Variants in IL15 observed in about 807,000 individuals in gnomAD.
IL15 encodes interleukin 15, also known as interleukin-15.
Under a neutral mutation model 19.6 loss-of-function variants are expected in IL15, and 11 were observed. That is an observed-to-expected ratio of 0.56 (90% CI 0.35 to 0.93). The LOEUF is 0.93. Among genes scored for constraint, IL15 ranks in the 40% least tolerant of loss-of-function variants. IL15 has a pLI of 0.01. For missense variants in IL15, 197 were observed against 186.5 expected (o/e 1.06, Z -0.33); for synonymous variants, 58 against 59.6 (o/e 0.97, Z 0.12).
chr4:141,732,233 G>T (rs540883197), intron 7 of IL15, among the ~76,000 whole-genome samples: 2 of 152,148 alleles, frequency 1.3e-5, no homozygotes, highest in Non-Finnish European at 2.9e-5. Context: ...TCTTAAGTGC[G>T]AGTAGCAGCA....
At chr4:141,726,681 CTG>C in intron 5 of IL15, among the ~76,000 whole-genome samples, 1 of 152,172 alleles carries the variant, frequency 6.6e-6, no homozygotes, top group East Asian at 1.9e-4. Flanking sequence ...CTGCCAAAAA[CTG>C]GAAACAGATG....
intron 2 of IL15, among the ~76,000 whole-genome samples, chr4:141,661,703 TGAA>T (rs1727795566): frequency 6.6e-6 from 1 of 152,198 alleles, no homozygotes; most frequent in African/African-American, 2.4e-5. Context: ...TGTGACCTCT[TGAA>T]GTACAGTTTG....
chr4:141,677,109 A>G (rs1046839741), intron 2 of IL15, among the ~76,000 whole-genome samples: 5 of 152,224 alleles, frequency 3.3e-5, no homozygotes, highest in African/African-American at 1.2e-4. Flanking sequence ...TAAAGAAATA[A>G]AGAAGCAAAA....
intron 2 of IL15, among the ~76,000 whole-genome samples, chr4:141,699,156 T>G (rs1729198310): frequency 6.6e-6 from 1 of 152,180 alleles, no homozygotes; most frequent in African/African-American, 2.4e-5. Flanking sequence ...CTTTTGGAAT[T>G]GATTTCCAGT....
intron 2 of IL15, among the ~76,000 whole-genome samples, chr4:141,674,815 T>G (rs1283376027): frequency 9.9e-5 from 15 of 152,176 alleles, no homozygotes; most frequent in Non-Finnish European, 5.9e-5. Context: ...TAAATTACCC[T>G]ATGTATTAGT....
chr4:141,666,448 G>A (rs532581246), intron 2 of IL15, among the ~76,000 whole-genome samples: 6 of 152,266 alleles, frequency 3.9e-5, no homozygotes, highest in African/African-American at 1.2e-4. Flanking sequence ...CTTGACCTCC[G>A]GGACTCAGGT....
In IL15 at chr4:141,729,973, T is replaced by A. The variant is rs1328090649; in HGVS notation, c.367T>A (p.Ser123Thr). The change falls in exon 7 of 8, where the codon TCT becomes ACT. Residue 123 changes from serine (S) to threonine (T), a missense_variant. Coordinates refer to ENST00000320650, the MANE Select transcript of IL15 (RefSeq NM_000585.5). ...NLIILANNSL[S>T]SNGNVTESGC... ...GATCATCCTAGCAAACAACAGTTTG[T>A]CTTCTAATGGGGTGAGTTTTCCAAC... The A allele has an allele frequency of 6.2e-7, 1 of 1,610,034 alleles. No individual in the cohort carries two copies. Among genetic ancestry groups the A allele is most frequent in the East Asian group, 2.2e-5 (1 of 44,844 alleles).
intron 4 of IL15, chr4:141,721,177 G>C (rs1056323012): frequency 8.1e-6 from 9 of 1,114,234 alleles, no homozygotes; most frequent in African/African-American, 3.1e-5. Flanking sequence ...GATTTGTGCA[G>C]GTAATTCTTC....
chr4:141,729,253 T>C (rs149002608), intron 6 of IL15, among the ~76,000 whole-genome samples: 295 of 152,290 alleles, frequency 1.9e-3, no homozygotes, highest in African/African-American at 6.8e-3. Flanking sequence ...AGATATTCCT[T>C]GTTTCCTTTC....
Position 141,732,865 on chromosome 4 carries a change from T to G in IL15, c.*17T>G. 6.2e-7 allele frequency: 1 copy of G among 1,602,736 alleles called. No individual in the cohort carries two copies. The highest frequency in any genetic ancestry group is 8.5e-7 in the Non-Finnish European group (1 of 1,176,688). On this transcript the variant is annotated 3_prime_UTR_variant, in exon 8 of 8. Coordinates refer to ENST00000320650, the MANE Select transcript of IL15 (RefSeq NM_000585.5). ...ACTTCTTGATTGCAATTGATTCTTTTTAAAGTGTTTCTGTTATTAACAAAC... is the reference window on the plus strand; with the variant it reads ...ACTTCTTGATTGCAATTGATTCTTTGTAAAGTGTTTCTGTTATTAACAAAC...
intron 2 of IL15, among the ~76,000 whole-genome samples, chr4:141,661,722 C>T (rs932776403): frequency 1.3e-5 from 2 of 152,074 alleles, no homozygotes; most frequent in Non-Finnish European, 2.9e-5. Context: ...GTTTGTGTAC[C>T]GCTGTGCACT....
chr4:141,672,748 C>CA (rs1728216428), intron 2 of IL15, among the ~76,000 whole-genome samples: 1 of 152,164 alleles, frequency 6.6e-6, no homozygotes, highest in Admixed American at 6.5e-5. Context: ...AGTTTATAGC[C>CA]AATGACGTAT....
chr4:141,726,169 A>T (rs984770383), intron 5 of IL15, among the ~76,000 whole-genome samples: 4 of 152,128 alleles, frequency 2.6e-5, no homozygotes, highest in African/African-American at 9.7e-5. Flanking sequence ...TTTGGAGGGG[A>T]CATTCAAACC....
chr4:141,715,107 C>G (rs1052312131), intron 2 of IL15: 5 of 152,192 alleles, frequency 3.3e-5, no homozygotes, highest in African/African-American at 1.2e-4. Context: ...GGAAAAGACT[C>G]AGAGTCATTC....
Position 141,720,494 on chromosome 4 carries a change from T to C in IL15, c.38T>C (p.Ile13Thr). 6.3e-7 allele frequency: 1 copy of C among 1,590,230 alleles called. No individual in the cohort carries two copies. The highest frequency in any genetic ancestry group is 2.2e-5 in the East Asian group (1 of 44,602). The stretch of plus-strand genomic sequence containing the variant: ...AAACCACATTTGAGAAGTATTTCCA[T>C]CCAGTGCTACTTGTGTTTACTTCTA... Reference protein sequence around the residue: ...ISKPHLRSISIQCYLCLLLNS... With the variant: ...ISKPHLRSISTQCYLCLLLNS... The change falls in exon 4 of 8, where the codon ATC becomes ACC. Residue 13 changes from isoleucine (I) to threonine (T), a missense_variant. Ile to Thr is a moderately conservative substitution (Grantham distance 89). Transcript: ENST00000320650.
intron 2 of IL15, among the ~76,000 whole-genome samples, chr4:141,682,959 A>AAAAC (rs891373525): frequency 6.6e-6 from 1 of 152,128 alleles, no homozygotes; most frequent in East Asian, 1.9e-4. Flanking sequence ...CTCAAAAGAA[A>AAAAC]AAACAAACAA....
intron 2 of IL15, among the ~76,000 whole-genome samples, chr4:141,677,138 T>C (rs1357564804): frequency 6.6e-6 from 1 of 152,150 alleles, no homozygotes; most frequent in East Asian, 1.9e-4. Flanking sequence ...AGTTACAATG[T>C]ATTTCCTCAA....
chr4:141,691,004 A>G (rs1728892621), intron 2 of IL15, among the ~76,000 whole-genome samples: 1 of 117,196 alleles, frequency 8.5e-6, no homozygotes, highest in South Asian at 2.9e-4. Flanking sequence ...TTGCATCTAA[A>G]AATCCTATAA....
At chr4:141,721,308 T>C (rs1730068752) in intron 4 of IL15, 1 of 644,754 alleles carries the variant, frequency 1.6e-6, no homozygotes, top group African/African-American at 1.8e-5. Context: ...TATAAGTGTA[T>C]TTTGTCTGGA....
Sources: gnomAD v4.1 joint callset for allele counts (sites outside exome capture counted in the v4.1 genomes callset) on GRCh38, gnomAD v4.1.1 for gene constraint, MANE v1.5 for transcripts, NCBI Gene and HGNC (gene_info 2026-07-23, HGNC 2026-07-21) for gene names.